The following PDHA1 variants were observed in gnomAD, a reference collection of about 807,000 sequenced individuals.
PDHA1 encodes pyruvate dehydrogenase E1 subunit alpha 1, also known as pyruvate dehydrogenase E1 component subunit alpha, somatic form, mitochondrial.
A neutral mutation model predicts 33.0 loss-of-function variants in PDHA1; 1 was observed. That is an observed-to-expected ratio of 0.03 (90% CI 0.01 to 0.14). The LOEUF is 0.14. Among genes scored for constraint, PDHA1 ranks in the 10% least tolerant of loss-of-function variants. The pLI is 1.00. For synonymous variants in PDHA1, 123 were observed against 119.2 expected, an observed-to-expected ratio of 1.03 and a Z score of -0.21; for missense variants, 168 against 325.1, an observed-to-expected ratio of 0.52 and a Z score of 3.72.
At chrX:19,349,844 C>G in intron 2 of PDHA1, 93 bp from the exon 3 acceptor site, 1 of 723,446 alleles carries the variant, frequency 1.4e-6, no homozygotes, top group Non-Finnish European at 2.2e-6. Flanking sequence ...TTTTCAAGTT[C>G]AATATTATTT....
At position 19,359,563 on chromosome X, in the gene PDHA1, G is replaced by A. The variant is rs745312753; in HGVS notation, c.1083G>A (p.Leu361=). Residue 361 remains leucine (L), a synonymous_variant, in exon 11 of 11, where the codon TTG becomes TTA. Transcript: ENST00000422285. ...QFATADPEPP[L]EELGYHIYSS... Reference sequence around the variant, plus strand: ...CCACGGCCGATCCTGAGCCACCTTTGGAAGAGCTGGGCTACCACATCTACT... The same window carrying A: ...CCACGGCCGATCCTGAGCCACCTTTAGAAGAGCTGGGCTACCACATCTACT... 4 of 1,210,028 alleles carry A rather than the reference G, an allele frequency of 3.3e-6. No individual in the cohort carries two copies. Among genetic ancestry groups the A allele is most frequent in the African/African-American group, 1.7e-5 (1 of 57,738 alleles).
chrX:19,348,241 T>A lies in PDHA1; in HGVS notation c.58-1071T>A, dbSNP rs780413596. On this transcript the variant is annotated intron_variant, in intron 1 of 10. Coordinates refer to ENST00000422285, the MANE Select transcript of PDHA1 (RefSeq NM_000284.4). Reference sequence around the variant, plus strand: ...ATAGAATACTTTTGCTGTGAGCAGGTTTGCTCAGTTGTAAAACTGGAAAGG... The same window carrying A: ...ATAGAATACTTTTGCTGTGAGCAGGATTGCTCAGTTGTAAAACTGGAAAGG... 4.5e-5 allele frequency among the ~76,000 whole-genome samples: 5 copies of A among 112,267 alleles called. No individual in the cohort carries two copies. The East Asian group carries it at 1.4e-3, about 31-fold the overall frequency.
chrX:19,359,454 T>C, intron 10 of PDHA1, 35 bp from the exon 11 acceptor site: 1 of 1,165,976 alleles, frequency 8.6e-7, no homozygotes, highest in Non-Finnish European at 1.2e-6. Flanking sequence ...CTGCTGTTCA[T>C]TCTAAAACCT....
intron 1 of PDHA1, among the ~76,000 whole-genome samples, chrX:19,344,699 A>G (rs2063119243): frequency 9.7e-6 from 1 of 103,122 alleles, no homozygotes; most frequent in African/African-American, 3.6e-5. Context: ...AAGAGTCCCC[A>G]CCTCTTGGGG....
In PDHA1 at chrX:19,351,307, C is replaced by T. The variant is rs764516370; in HGVS notation, c.318C>T (p.Ala106=). The change falls in exon 4 of 11, where the codon GCC becomes GCT. Residue 106 remains alanine (A), a synonymous_variant. Coordinates refer to ENST00000422285, the MANE Select transcript of PDHA1 (RefSeq NM_000284.4). Reference sequence around the variant, plus strand: ...AAGCTTGCTGTGTGGGCCTGGAGGCCGGCATCAACCCCACAGACCATCTCA... The same window carrying T: ...AAGCTTGCTGTGTGGGCCTGGAGGCTGGCATCAACCCCACAGACCATCTCA... ...GQEACCVGLE[A]GINPTDHLIT... 51 of 1,202,697 alleles carry T rather than the reference C, an allele frequency of 4.2e-5. No individual in the cohort carries two copies. Among genetic ancestry groups the T allele is most frequent in the Non-Finnish European group, 5.3e-5 (47 of 888,708 alleles).
chrX:19,359,285 C>CTTT (rs939316300), intron 10 of PDHA1, among the ~76,000 whole-genome samples: 2 of 111,688 alleles, frequency 1.8e-5, no homozygotes, highest in Non-Finnish European at 3.8e-5. Flanking sequence ...TAGTATGGTT[C>CTTT]TTTTTTCCTA....
chrX:19,351,293 G>A lies in PDHA1; in HGVS notation c.304G>A (p.Val102Met), dbSNP rs2063161567. 8.3e-7 allele frequency: 1 copy of A among 1,204,870 alleles called. No homozygotes were observed. Among genetic ancestry groups the A allele is most frequent in the South Asian group, 1.8e-5 (1 of 56,702 alleles). The change falls in exon 4 of 11, where the codon GTG becomes ATG. Residue 102 changes from valine (V) to methionine (M), a missense_variant. This residue lies in a region of PDHA1 where 35 missense variants were observed against 148.5 expected (regional missense o/e 0.24). Transcript: ENST00000422285. Reference protein sequence around the residue: ...HLCDGQEACCVGLEAGINPTD... With the variant: ...HLCDGQEACCMGLEAGINPTD... Reference sequence around the variant, plus strand: ...TCCTCTAACACAGGAAGCTTGCTGTGTGGGCCTGGAGGCCGGCATCAACCC... The same window carrying A: ...TCCTCTAACACAGGAAGCTTGCTGTATGGGCCTGGAGGCCGGCATCAACCC...
Position 19,349,587 on chromosome X carries a change from GAAAATA to G in PDHA1, c.117+226_117+231del, listed in dbSNP as rs1038718740. ...GGGGAAGGGGGAGGAGCTAGAAAATGAAAATAAAAATAAAAGCTTATTCAAAAGTTT... is the reference window on the plus strand; with the variant it reads ...GGGGAAGGGGGAGGAGCTAGAAAATGAAAATAAAAGCTTATTCAAAAGTTT... On this transcript the variant is annotated intron_variant, in intron 2 of 10. Coordinates refer to ENST00000422285, the MANE Select transcript of PDHA1 (RefSeq NM_000284.4). Among the ~76,000 whole-genome samples, 76 of 111,874 alleles carry G rather than the reference GAAAATA, an allele frequency of 6.8e-4. 1 individual carries two copies. In the East Asian group the frequency reaches 0.018, roughly 27 times the overall value.
Position 19,355,725 on chromosome X carries a change from A to G in PDHA1, c.799A>G (p.Arg267Gly). 2 of 1,207,962 alleles carry G rather than the reference A, an allele frequency of 1.7e-6. No homozygotes were observed. The highest frequency in any genetic ancestry group is 2.2e-6 in the Non-Finnish European group (2 of 891,970). ...MDILCVREAT[R>G]FAAAYCRSGK... ...TATCCTGTGCGTCCGAGAGGCAACA[A>G]GGTTTGCTGCTGCCTATTGTAGATC... is the stretch of plus-strand genomic sequence containing the variant. The change falls in exon 8 of 11, where the codon AGG (arginine) becomes GGG (glycine). Residue 267 changes from arginine (R) to glycine (G), a missense_variant. Transcript: ENST00000422285.
In PDHA1 at chrX:19,359,596, C is replaced by T; in HGVS notation, c.1116C>T (p.Asp372=). The T allele has an allele frequency of 8.3e-7, 1 of 1,211,375 alleles. No individual in the cohort carries two copies. Among genetic ancestry groups the T allele is most frequent in the Non-Finnish European group, 1.1e-6 (1 of 895,185 alleles). Residue 372 remains aspartate, a synonymous_variant, in exon 11 of 11, where the codon GAC becomes GAT. Transcript: ENST00000422285. ...EELGYHIYSS[D]PPFEVRGANQ... ...TGGGCTACCACATCTACTCCAGCGA[C>T]CCACCTTTTGAAGTTCGTGGTGCCA...
intron 1 of PDHA1, among the ~76,000 whole-genome samples, chrX:19,347,834 C>CA (rs1290101424): frequency 2.7e-5 from 3 of 112,604 alleles, no homozygotes; most frequent in African/African-American, 6.4e-5. Context: ...TTCTGAGATA[C>CA]ATTAGTGGAC....
At position 19,351,380 on chromosome X, in the gene PDHA1, G is replaced by A. The variant is rs764303926; in HGVS notation, c.391G>A (p.Val131Ile). ...HGFTFTRGLS[V>I]REILAELTGR... is the part of the protein sequence containing the mutation. ...CTTTACTTTCACCCGGGGCCTTTCC[G>A]TCCGAGAAATTCTCGCAGAGCTTAC... The change falls in exon 4 of 11, where the codon GTC becomes ATC. Residue 131 changes from valine to isoleucine, a missense_variant. By Grantham distance (29) the Val-to-Ile change is conservative. Transcript: ENST00000422285. 9 of 1,208,669 alleles carry A rather than the reference G, an allele frequency of 7.4e-6. No individual in the cohort carries two copies. In the Admixed American group the frequency reaches 1.1e-4, roughly 15 times the overall value.
At chrX:19,347,468 T>C (rs927574639) in intron 1 of PDHA1, among the ~76,000 whole-genome samples, 1 of 112,848 alleles carries the variant, frequency 8.9e-6, no homozygotes, top group African/African-American at 3.2e-5. Flanking sequence ...TTTCTGGCAG[T>C]CCTAATCTTT....
intron 10 of PDHA1, 87 bp downstream of exon 10, chrX:19,359,111 A>C: frequency 1.8e-6 from 1 of 567,031 alleles, no homozygotes; most frequent in Non-Finnish European, 3.1e-6. Context: ...GGGTTCCTCC[A>C]AGCCCAGAAA....
chrX:19,350,113 G>A lies in PDHA1; in HGVS notation c.291+3G>A, dbSNP rs1215677673. On this transcript the variant is annotated splice_donor_region_variant and intron_variant, in intron 3 of 10. Transcript: ENST00000422285. ...TCTGTCACTTGTGTGATGGTCAGGT[G>A]AGTGGTAGGTTTGTGGTGGAACTGT... is the stretch of plus-strand genomic sequence containing the variant. 1 of 1,187,137 alleles carries A rather than the reference G, an allele frequency of 8.4e-7. No homozygotes were observed. The highest frequency in any genetic ancestry group is 3.0e-5 in the East Asian group (1 of 33,743).
intron 8 of PDHA1, chrX:19,357,430 CA>C: frequency 4.6e-6 from 2 of 435,736 alleles, no homozygotes; most frequent in Non-Finnish European, 8.1e-6. Context: ...AAGCTGTTGG[CA>C]GATTGCCTTA....
Position 19,361,086 on chromosome X carries a change from C to G in PDHA1, c.*1433C>G. The G allele has an allele frequency of 2.4e-6, 1 of 420,096 alleles. No individual in the cohort carries two copies. The highest frequency in any genetic ancestry group is 4.1e-6 in the Non-Finnish European group (1 of 243,704). 34.6% of individuals were successfully genotyped at this position (420,096 alleles called of 1,213,427 possible). On this transcript the variant is annotated 3_prime_UTR_variant, in exon 11 of 11. Transcript: ENST00000422285. ...AGGGGGTGGGTCCAGCGTGCAGGCA[C>G]GCTTGCCATGTGCCTCCACCCACTC...
At chrX:19,357,366 G>T in intron 8 of PDHA1, 2 of 343,236 alleles carry the variant, frequency 5.8e-6, no homozygotes, top group Non-Finnish European at 1.0e-5. Flanking sequence ...AAAGTGCTGG[G>T]ATTACAGGCA....
intron 1 of PDHA1, chrX:19,345,745 T>TACC (rs749551362): frequency 5.9e-6 from 1 of 170,189 alleles, no homozygotes; most frequent in African/African-American, 5.0e-5. Flanking sequence ...GTTTGCAGGG[T>TACC]CCCCCCCCCC....
Sources: allele counts gnomAD v4.1 joint callset (sites outside exome capture counted in the v4.1 genomes callset), GRCh38; gene constraint gnomAD v4.1.1; regional missense constraint gnomAD v4.1.1; transcripts MANE v1.5; gene names NCBI Gene and HGNC (gene_info 2026-07-23, HGNC 2026-07-21).